Variants in LRRC1 observed in about 807,000 individuals in gnomAD.
LRRC1 encodes the protein leucine-rich repeat-containing protein 1.
In LRRC1, 28 loss-of-function variants were observed where a neutral mutation model predicts 69.9. The ratio of observed to expected loss-of-function variants is 0.40; its 90% CI spans 0.30 to 0.55. The LOEUF (loss-of-function observed/expected upper bound fraction) is 0.55. Ranked by LOEUF, LRRC1 falls within the 20% of genes least tolerant of loss-of-function variation. LRRC1 has a pLI of 0.47. For synonymous variants in LRRC1, 236 were observed against 240.2 expected (o/e 0.98, Z 0.16); for missense variants, 498 against 609.0 (o/e 0.82, Z 1.92).
intron 2 of LRRC1, among the ~76,000 whole-genome samples, chr6:53,852,388 G>A (rs2127419896): frequency 6.6e-6 from 1 of 152,306 alleles, no homozygotes; most frequent in Admixed American, 6.5e-5. Context: ...GACACAAGCA[G>A]GCATGAGGGA....
intron 2 of LRRC1, among the ~76,000 whole-genome samples, chr6:53,850,669 A>G (rs1270842443): frequency 6.6e-6 from 1 of 152,258 alleles, no homozygotes; most frequent in East Asian, 1.9e-4. Flanking sequence ...AGCTCTGTGC[A>G]TTAGCATAGG....
chr6:53,841,568 T>C (rs550343182), intron 1 of LRRC1, among the ~76,000 whole-genome samples: 2 of 152,314 alleles, frequency 1.3e-5, no homozygotes, highest in South Asian at 2.1e-4. Flanking sequence ...GGAAAGAGCA[T>C]GTACTCAGTC....
chr6:53,828,277 A>C (rs1765330811), intron 1 of LRRC1, among the ~76,000 whole-genome samples: 1 of 152,092 alleles, frequency 6.6e-6, no homozygotes, highest in East Asian at 1.9e-4. Context: ...ACAGAGATCT[A>C]GTTGAGTTCA....
chr6:53,819,956 T>G (rs1265845080), intron 1 of LRRC1, among the ~76,000 whole-genome samples: 1 of 152,206 alleles, frequency 6.6e-6, no homozygotes, highest in Non-Finnish European at 1.5e-5. Flanking sequence ...ACTCTTGGAT[T>G]CACTTTGAGT....
intron 10 of LRRC1, among the ~76,000 whole-genome samples, chr6:53,908,898 A>C (rs1040130326): frequency 6.6e-6 from 1 of 152,244 alleles, no homozygotes; most frequent in Non-Finnish European, 1.5e-5. Context: ...CAGCCTCATC[A>C]GTATTCACAA....
chr6:53,861,298 A>G (rs906235601), intron 2 of LRRC1, among the ~76,000 whole-genome samples: 1 of 151,776 alleles, frequency 6.6e-6, no homozygotes, highest in Non-Finnish European at 1.5e-5. Context: ...CCCGAGTCCT[A>G]CCCCAGGCTG....
In LRRC1 at chr6:53,856,353, C is replaced by G. The variant is rs1042932216; in HGVS notation, c.277+14126C>G. 3.9e-5 allele frequency among the ~76,000 whole-genome samples: 6 copies of G among 152,120 alleles called. No homozygotes were observed. The South Asian group carries it at 1.0e-3, about 26-fold the overall frequency. On this transcript the variant is annotated intron_variant, in intron 2 of 13. Transcript: ENST00000370888. ...GGCCAGAAGGGTGGAAGGACCAAGT[C>G]CATCCGTGATGACACAGGACAGTGT...
In LRRC1 at chr6:53,922,957, C is replaced by A. The variant is rs1213233380; in HGVS notation, c.*164C>A. 2 of 602,576 alleles carry A rather than the reference C, an allele frequency of 3.3e-6. No homozygotes were observed. The highest frequency in any genetic ancestry group is 5.5e-5 in the Admixed American group (2 of 36,312). The allele number at this position is 602,576 out of a possible 1,614,324, so 37.3% of individuals were successfully genotyped here. ...GTCTCCCAGGAAGTGCCTTACTCAT[C>A]CCGCAACCAGTCAGCGCACCAGTGG... is the stretch of plus-strand genomic sequence containing the variant. On this transcript the variant is annotated 3_prime_UTR_variant, in exon 14 of 14. Transcript: ENST00000370888.
chr6:53,855,773 C>T (rs1766290606), intron 2 of LRRC1, among the ~76,000 whole-genome samples: 1 of 152,172 alleles, frequency 6.6e-6, no homozygotes, highest in South Asian at 2.1e-4. Flanking sequence ...CTCACCCCAC[C>T]CCAGCCCCCT....
intron 1 of LRRC1, among the ~76,000 whole-genome samples, chr6:53,800,555 A>G (rs1764450949): frequency 6.6e-6 from 1 of 151,562 alleles, no homozygotes; most frequent in Non-Finnish European, 1.5e-5. Context: ...CCCGGCCAAA[A>G]TAATGTTTCT....
intron 1 of LRRC1, among the ~76,000 whole-genome samples, chr6:53,828,337 A>G (rs1468563261): frequency 6.6e-6 from 1 of 152,222 alleles, no homozygotes; most frequent in Non-Finnish European, 1.5e-5. Context: ...TCACAGGGCT[A>G]GGACCTGGGA....
intron 1 of LRRC1, among the ~76,000 whole-genome samples, chr6:53,814,353 G>A (rs2127406686): frequency 6.6e-6 from 1 of 152,282 alleles, no homozygotes; most frequent in East Asian, 1.9e-4. Flanking sequence ...TCACTCTGTG[G>A]GTTTTACTCA....
At chr6:53,819,782 C>T (rs1765061913) in intron 1 of LRRC1, among the ~76,000 whole-genome samples, 2 of 152,106 alleles carry the variant, frequency 1.3e-5, no homozygotes. Context: ...TCACCAAAGT[C>T]CTTAAAATGT....
intron 1 of LRRC1, among the ~76,000 whole-genome samples, chr6:53,804,183 G>T (rs1764571453): frequency 6.6e-6 from 1 of 152,084 alleles, no homozygotes; most frequent in Non-Finnish European, 1.5e-5. Context: ...AAAAAAGAAA[G>T]AATAGTCACT....
chr6:53,821,316 C>G (rs1180841266), intron 1 of LRRC1, among the ~76,000 whole-genome samples: 3 of 152,154 alleles, frequency 2.0e-5, no homozygotes, highest in Admixed American at 6.5e-5. Context: ...GGCACTTTGC[C>G]TTCATGGGCT....
intron 1 of LRRC1, among the ~76,000 whole-genome samples, chr6:53,833,043 G>T (rs1159510518): frequency 6.6e-6 from 1 of 151,894 alleles, no homozygotes; most frequent in Admixed American, 6.6e-5. Flanking sequence ...GTTTCAGTTC[G>T]ATATCTTTTT....
rs1764269485 is a variant in LRRC1 at position 53,795,516 on chromosome 6, A to G, written c.159+101A>G. The stretch of plus-strand genomic sequence containing the variant: ...TCTTCCATCTCCGGGTCCGGCGTGA[A>G]GGAACCTTCCCTCTTTTATGCATTC... On this transcript the variant is annotated intron_variant, in intron 1 of 13. Transcript: ENST00000370888. The G allele has an allele frequency of 4.9e-6, 6 of 1,215,392 alleles. No homozygotes were observed. In the South Asian group the frequency reaches 7.8e-5, roughly 16 times the overall value. 75.3% of individuals were successfully genotyped at this position (1,215,392 alleles called of 1,614,324 possible).
At chr6:53,808,440 G>T (rs1223458692) in intron 1 of LRRC1, among the ~76,000 whole-genome samples, 3 of 152,010 alleles carry the variant, frequency 2.0e-5, no homozygotes, top group South Asian at 2.1e-4. Context: ...AGGAAACCTG[G>T]GTAATTGATA....
chr6:53,795,282 G>C lies in LRRC1; in HGVS notation c.26G>C (p.Arg9Pro). Residue 9 changes from arginine (R) to proline (P), a missense_variant, in exon 1 of 14, where the codon CGG becomes CCG. Physicochemically the swap from Arg to Pro is moderately radical, Grantham distance 103 (BLOSUM62 -2). Coordinates refer to ENST00000370888, the MANE Select transcript of LRRC1 (RefSeq NM_018214.5). ...ATGTTCCACTGCATCCCCCTGTGGC[G>C]GTGCAACCGTCATGTGGAGAGCATC... MFHCIPLW[R>P]CNRHVESIDK... The C allele has an allele frequency of 6.2e-7, 1 of 1,611,904 alleles. No individual in the cohort carries two copies. The highest frequency in any genetic ancestry group is 8.5e-7 in the Non-Finnish European group (1 of 1,179,690).
Sources: gnomAD v4.1 joint callset for allele counts (sites outside exome capture counted in the v4.1 genomes callset) on GRCh38, gnomAD v4.1.1 for gene constraint, MANE v1.5 for transcripts, NCBI Gene and HGNC (gene_info 2026-07-23, HGNC 2026-07-21) for gene names.